The following VNN1 variants were observed in gnomAD, a reference collection of about 807,000 sequenced individuals.
VNN1 encodes the protein vanin 1.
A neutral mutation model predicts 41.9 loss-of-function variants in VNN1; 29 were observed. That is an observed-to-expected ratio of 0.69 (90% CI 0.52 to 0.94). The LOEUF (loss-of-function observed/expected upper bound fraction) is 0.94, where lower values mean the gene tolerates loss of function less well. VNN1 is among the 40% of genes least tolerant of loss of function. The pLI is 0.00. For synonymous variants in VNN1, 233 were observed against 224.4 expected (o/e 1.04, Z -0.34); for missense variants, 637 against 621.1 (o/e 1.03, Z -0.27).
At chr6:132,699,166 G>A (rs775246526) in intron 2 of VNN1, 46 of 370,244 alleles carry the variant, frequency 1.2e-4, no homozygotes, top group Non-Finnish European at 2.2e-4. Context: ...ATAGGTTCAC[G>A]GTTTCAGACT....
Position 132,682,215 on chromosome 6 carries a change from C to G in VNN1, c.*925G>C, listed in dbSNP as rs1328390343. 6.6e-6 allele frequency: 1 copy of G among 152,158 alleles called. No individual in the cohort carries two copies. The highest frequency in any genetic ancestry group is 1.5e-5 in the Non-Finnish European group (1 of 68,028). The allele number at this position is 152,158 out of a possible 1,614,324, so 9.4% of individuals were successfully genotyped here. On this transcript the variant is annotated 3_prime_UTR_variant, in exon 7 of 7. Transcript: ENST00000367928. ...ATCAGCAATCCTTCTCTAAGAGTGT[C>G]TATTGGAGTCTTGAGGACCCAGACC...
At chr6:132,698,762 T>C (rs1778409358) in intron 2 of VNN1, 1 of 185,050 alleles carries the variant, frequency 5.4e-6, no homozygotes, top group Admixed American at 5.3e-5. Context: ...TGGTTACCAC[T>C]GAGGCTCAAT....
chr6:132,704,593 C>T (rs1030904885), intron 2 of VNN1, among the ~76,000 whole-genome samples: 1 of 151,742 alleles, frequency 6.6e-6, no homozygotes, highest in African/African-American at 2.4e-5. Flanking sequence ...GCTATAAGTG[C>T]CTACACTAAC....
At chr6:132,710,010 C>T (rs986609158) in intron 2 of VNN1, among the ~76,000 whole-genome samples, 17 of 152,056 alleles carry the variant, frequency 1.1e-4, no homozygotes, top group Non-Finnish European at 1.9e-4. Context: ...TCCACCTTGT[C>T]AAAATCAAGG....
rs974674677 is a variant in VNN1, at chr6:132,682,498, CCT to C, written c.*640_*641del. 1.8e-4 allele frequency: 27 copies of C among 152,672 alleles called. No individual in the cohort carries two copies. Among genetic ancestry groups the C allele is most frequent in the African/African-American group, 6.5e-4 (27 of 41,582 alleles). 9.5% of individuals were successfully genotyped at this position (152,672 alleles called of 1,614,324 possible). ...TCTTAGCTTGTAAAGAGTTGTCCTT[CCT>C]CTGTGTCTCCTTATGGTCTCCCTTT... On this transcript the variant is annotated 3_prime_UTR_variant, in exon 7 of 7. Transcript: ENST00000367928.
intron 2 of VNN1, among the ~76,000 whole-genome samples, chr6:132,710,515 C>G (rs1197366997): frequency 2.0e-5 from 3 of 152,156 alleles, no homozygotes; most frequent in Non-Finnish European, 4.4e-5. Flanking sequence ...AATGCCATCC[C>G]TCCCTTAGCC....
At chr6:132,702,597 T>G (rs570284567) in intron 2 of VNN1, among the ~76,000 whole-genome samples, 4 of 152,174 alleles carry the variant, frequency 2.6e-5, no homozygotes, top group African/African-American at 2.4e-5. Context: ...AGCTCACAGC[T>G]TTGAGAGACT....
intron 2 of VNN1, among the ~76,000 whole-genome samples, chr6:132,703,504 C>A (rs571991794): frequency 6.6e-6 from 1 of 152,098 alleles, no homozygotes; most frequent in African/African-American, 2.4e-5. Flanking sequence ...AAATAATGAA[C>A]TATAAGTTGT....
intron 2 of VNN1, among the ~76,000 whole-genome samples, chr6:132,706,499 A>G (rs984897247): frequency 6.6e-6 from 1 of 152,216 alleles, no homozygotes; most frequent in African/African-American, 2.4e-5. Context: ...ATATACAAAA[A>G]TCAAATAAAA....
chr6:132,686,836 G>A (rs192008589), intron 5 of VNN1, among the ~76,000 whole-genome samples: 8 of 152,070 alleles, frequency 5.3e-5, no homozygotes, highest in Non-Finnish European at 1.2e-4. Context: ...GCCTCAGAGA[G>A]AGAAGAAAAA....
In VNN1 at chr6:132,711,798, G is replaced by A. The variant is rs750465315; in HGVS notation, c.252C>T (p.Gly84=). ...AGAGAGAGTCCCTGTTGAAGTTCCAGCCATAAATAGCATCTTCTGGAGTCA... is the reference window on the plus strand; with the variant it reads ...AGAGAGAGTCCCTGTTGAAGTTCCAACCATAAATAGCATCTTCTGGAGTCA... ...IIVTPEDAIY[G]WNFNRDSLYP... is the part of the protein sequence containing the mutation. Residue 84 remains glycine, a synonymous_variant, in exon 2 of 7, where the codon GGC becomes GGT. Transcript: ENST00000367928. 22 of 1,613,854 alleles carry A rather than the reference G, an allele frequency of 1.4e-5. No homozygotes were observed. The highest frequency in any genetic ancestry group is 2.7e-5 in the African/African-American group (2 of 74,866).
chr6:132,711,900 G>T (rs1368100090), intron 1 of VNN1, 61 bp from the exon 2 acceptor site: 5 of 1,578,274 alleles, frequency 3.2e-6, no homozygotes, highest in African/African-American at 1.4e-5. Context: ...GAGCTGAGTG[G>T]CTGAGTAACA....
chr6:132,711,594 G>A, intron 2 of VNN1, 115 bp downstream of exon 2: 1 of 1,227,840 alleles, frequency 8.1e-7, no homozygotes, highest in Non-Finnish European at 1.1e-6. Flanking sequence ...TGAAAAATAA[G>A]CTATACTGAA....
rs989518836 is a variant in VNN1, at chr6:132,688,886, T to C, written c.1188+3337A>G. 5.9e-5 allele frequency among the ~76,000 whole-genome samples: 9 copies of C among 152,102 alleles called. 1 individual carries two copies. Among genetic ancestry groups the C allele is most frequent in the Admixed American group, 5.9e-4 (9 of 15,264 alleles). ...AACACTGAGTAGGAGTAATGATTCC[T>C]TGTATATTTTATTTTATTTTGAGAC... is the stretch of plus-strand genomic sequence containing the variant. On this transcript the variant is annotated intron_variant, in intron 5 of 6. Transcript: ENST00000367928.
At chr6:132,702,483 G>A (rs1461090726) in intron 2 of VNN1, among the ~76,000 whole-genome samples, 1 of 152,120 alleles carries the variant, frequency 6.6e-6, no homozygotes, top group Non-Finnish European at 1.5e-5. Context: ...GTGCTGTACT[G>A]AGCTCAGAAC....
rs763065283 is a variant in VNN1 at position 132,713,946 on chromosome 6, A to T, written c.90T>A (p.Tyr30Ter). The T allele has an allele frequency of 1.9e-6, 3 of 1,614,064 alleles. No homozygotes were observed. The highest frequency in any genetic ancestry group is 2.5e-6 in the Non-Finnish European group (3 of 1,180,034). ...SCQDTFTAAV[Y>*]EHAAILPNAT... is the part of the protein sequence containing the mutation. ...CATTGGGCAATATCGCTGCATGCTC[A>T]TAAACAGCTGCAGTGAAAGTGTCCT... The change falls in exon 1 of 7, where the codon TAT becomes TAA. Residue 30 changes from tyrosine to a stop codon, truncating the protein, a stop_gained. Transcript: ENST00000367928. LOFTEE classifies it high-confidence loss of function.
At position 132,683,156 on chromosome 6, in the gene VNN1, C is replaced by G. The variant is rs1244348106; in HGVS notation, c.1526G>C (p.Cys509Ser). 17 of 1,604,434 alleles carry G rather than the reference C, an allele frequency of 1.1e-5. No individual in the cohort carries two copies. Among genetic ancestry groups the G allele is most frequent in the East Asian group, 2.2e-5 (1 of 44,750 alleles). ...IMLIVIAPIV[C>S]SLSW ...GTCAATATTCTACCAACTTAATGAGCATACAATAGGTGCTATAACTATTAG... is the reference window on the plus strand; with the variant it reads ...GTCAATATTCTACCAACTTAATGAGGATACAATAGGTGCTATAACTATTAG... Residue 509 changes from cysteine to serine, a missense_variant, in exon 7 of 7, where the codon TGC becomes TCC. Cys to Ser is a moderately radical substitution (Grantham distance 112, BLOSUM62 -1). Coordinates refer to ENST00000367928, the MANE Select transcript of VNN1 (RefSeq NM_004666.3).
Position 132,693,244 on chromosome 6 carries a change from G to C in VNN1, c.606C>G (p.Thr202=). ...KEPEIVTFNT[T]FGSFGIFTCF... is the part of the protein sequence containing the mutation. ...ATGTGAAAATGCCAAAACTTCCAAA[G>C]GTGGTATTGAAAGTCACAATCTCAG... The change falls in exon 4 of 7, where the codon ACC becomes ACG. Residue 202 remains threonine (T), a synonymous_variant. Transcript: ENST00000367928. The C allele has an allele frequency of 6.2e-7, 1 of 1,614,054 alleles. No individual in the cohort carries two copies. Among genetic ancestry groups the C allele is most frequent in the Non-Finnish European group, 8.5e-7 (1 of 1,179,972 alleles).
At chr6:132,686,245 G>C (rs1419782237) in intron 5 of VNN1, among the ~76,000 whole-genome samples, 1 of 152,138 alleles carries the variant, frequency 6.6e-6, no homozygotes, top group East Asian at 1.9e-4. Context: ...TCAGGAGTTC[G>C]AGACCAGCCT....
Sources: gnomAD v4.1 joint callset for allele counts (sites outside exome capture counted in the v4.1 genomes callset) on GRCh38, gnomAD v4.1.1 for gene constraint, MANE v1.5 for transcripts, NCBI Gene and HGNC (gene_info 2026-07-23, HGNC 2026-07-21) for gene names.